Variants in MED24 observed in about 807,000 individuals in gnomAD.
The protein encoded by MED24 is mediator of RNA polymerase II transcription subunit 24.
Under a neutral mutation model 118.8 loss-of-function variants are expected in MED24, and 74 were observed. The observed-to-expected ratio is 0.62, with a 90% CI of 0.52 to 0.76. The LOEUF (loss-of-function observed/expected upper bound fraction) is 0.76. Ranked by LOEUF, MED24 falls within the 30% of genes least tolerant of loss-of-function variation. The pLI is 0.00. For missense variants in MED24, 1,041 were observed against 1,278.9 expected (o/e 0.81, Z 2.84); for synonymous variants, 521 against 523.9 (o/e 0.99, Z 0.08).
chr17:40,028,047 G>C, intron 14 of MED24, 101 bp from the exon 15 acceptor site: 1 of 1,206,104 alleles, frequency 8.3e-7, no homozygotes, highest in Non-Finnish European at 1.2e-6. Flanking sequence ...TAGAGTCTGA[G>C]TTACTGGTTA....
rs1326807043 is a variant in MED24 at position 40,022,698 on chromosome 17, A to C, written c.2379T>G (p.Thr793=). 6.2e-7 allele frequency: 1 copy of C among 1,613,898 alleles called. No individual in the cohort carries two copies. The highest frequency in any genetic ancestry group is 1.7e-5 in the Admixed American group (1 of 60,004). Residue 793 remains threonine (T), a synonymous_variant, in exon 21 of 26, where the codon ACT becomes ACG. Transcript: ENST00000394128. ...TGAGGCTGTGCCACTTGGAGGAGTC[A>C]GTGAGCAGGCCAGGTAGGATGTGGC... ...LLGHILPGLL[T]DSSKWHSLMD...
intron 3 of MED24, among the ~76,000 whole-genome samples, chr17:40,047,779 G>C (rs1417840213): frequency 1.3e-5 from 2 of 151,666 alleles, no homozygotes; most frequent in Non-Finnish European, 2.9e-5. Flanking sequence ...GCCCAGGCTG[G>C]AGCACAATGG....
chr17:40,023,639 C>G (rs1427185502), intron 19 of MED24: 1 of 454,074 alleles, frequency 2.2e-6, no homozygotes, highest in African/African-American at 2.0e-5. Flanking sequence ...GGACTTTCCT[C>G]CCCCTGGCCA....
Position 40,031,611 on chromosome 17 carries a change from C to G in MED24, c.994G>C (p.Glu332Gln). The G allele has an allele frequency of 5.6e-6, 9 of 1,614,084 alleles. No individual in the cohort carries two copies. Among genetic ancestry groups the G allele is most frequent in the Non-Finnish European group, 7.6e-6 (9 of 1,179,948 alleles). Residue 332 changes from glutamate (E) to glutamine (Q), a missense_variant, in exon 11 of 26, where the codon GAG becomes CAG. Transcript: ENST00000394128. ...KYSHGDKDFT[E>Q]DVNCAFEFLL... is the part of the protein sequence containing the mutation. ...AACTCAAAAGCACAGTTGACATCCT[C>G]AGTGAAGTCCTAGAAAGAGGCAGAA...
At chr17:40,026,436 G>T in intron 18 of MED24, 105 bp from the exon 19 acceptor site, 1 of 1,405,580 alleles carries the variant, frequency 7.1e-7, no homozygotes. Flanking sequence ...GTGGAGTCCC[G>T]GGCCACATTC....
At position 40,033,110 on chromosome 17, in the gene MED24, C is replaced by G; in HGVS notation, c.768G>C (p.Leu256=). 1.2e-6 allele frequency: 2 copies of G among 1,614,140 alleles called. No homozygotes were observed. The highest frequency in any genetic ancestry group is 1.7e-6 in the Non-Finnish European group (2 of 1,180,042). Residue 256 remains leucine, a synonymous_variant, in exon 8 of 26, where the codon CTG becomes CTC. Transcript: ENST00000394128. The surrounding 1 kb of genome is among the most constrained non-coding windows in gnomAD (Gnocchi z 5.2). ...AVILLEGTMN[L]TGETQSLVEQ... ...CCACCAGGGACTGCGTCTCGCCTGT[C>G]AGGTTCATGGTGCCCTCGAGCAGGA...
intron 23 of MED24, chr17:40,020,706 T>C: frequency 2.8e-6 from 1 of 361,262 alleles, no homozygotes; most frequent in Non-Finnish European, 5.4e-6. Context: ...TGCTTGAGCC[T>C]AGGAGAACAA....
chr17:40,035,992 C>A, intron 4 of MED24, 124 bp downstream of exon 4: 1 of 1,226,490 alleles, frequency 8.2e-7, no homozygotes, highest in South Asian at 1.3e-5. Context: ...GGAAGTCCAG[C>A]AATGCCAGCC....
chr17:40,041,174 C>T (rs974794906), intron 3 of MED24, among the ~76,000 whole-genome samples: 1 of 152,214 alleles, frequency 6.6e-6, no homozygotes, highest in African/African-American at 2.4e-5. Flanking sequence ...ACAAACTCTT[C>T]ATGTTAAACC....
chr17:40,032,788 C>T, intron 8 of MED24, 26 bp from the exon 9 acceptor site: 1 of 1,594,532 alleles, frequency 6.3e-7, no homozygotes, highest in Non-Finnish European at 8.6e-7. Flanking sequence ...AGGATGAGGC[C>T]TAAGAGGGTG....
chr17:40,021,815 G>A, intron 23 of MED24, 140 bp downstream of exon 23: 1 of 628,484 alleles, frequency 1.6e-6, no homozygotes, highest in Non-Finnish European at 2.8e-6. Context: ...CACCCCCTTG[G>A]GGGCTAGAAC....
chr17:40,030,572 T>C (rs36071767), intron 12 of MED24, among the ~76,000 whole-genome samples: 46,634 of 151,942 alleles, frequency 0.31, 8,411 homozygotes, highest in Middle Eastern at 0.49. Flanking sequence ...GGATTACAGG[T>C]GTGAGCCACC....
chr17:40,032,815 C>T, intron 8 of MED24, 53 bp from the exon 9 acceptor site: 2 of 1,505,560 alleles, frequency 1.3e-6, no homozygotes, highest in Non-Finnish European at 1.8e-6. Context: ...CCCCGTCACC[C>T]TTCTGTGGAC....
At chr17:40,026,489 G>A in intron 18 of MED24, 158 bp from the exon 19 acceptor site, 1 of 1,151,920 alleles carries the variant, frequency 8.7e-7, no homozygotes, top group South Asian at 1.4e-5. Context: ...AGCTACCTGG[G>A]CCAGAGGGAG....
In MED24 at chr17:40,023,540, G is replaced by A. The variant is rs539626845; in HGVS notation, c.1986-145C>T. On this transcript the variant is annotated intron_variant, in intron 19 of 25. Coordinates refer to ENST00000394128, the MANE Select transcript of MED24 (RefSeq NM_014815.4). ...TTAACCCAGTTTTGCGCTGGGGGACGGTATACCCCGGGGTGACCTGGCCCC... is the reference window on the plus strand; with the variant it reads ...TTAACCCAGTTTTGCGCTGGGGGACAGTATACCCCGGGGTGACCTGGCCCC... 1.3e-4 allele frequency: 100 copies of A among 750,134 alleles called. 1 individual carries two copies. In the African/African-American group the frequency reaches 1.3e-3, roughly 10 times the overall value. The allele number at this position is 750,134 out of a possible 1,614,324, so 46.5% of individuals were successfully genotyped here. A position where few individuals can be genotyped will look rare whatever the true frequency, so the allele number is the denominator to read the frequency against.
Position 40,029,838 on chromosome 17 carries a change from T to A in MED24, c.1176A>T (p.Ala392=), listed in dbSNP as rs1446726029. ...MAKRKADREH[A]PQQKSGENAN... is the part of the protein sequence containing the mutation. The stretch of plus-strand genomic sequence containing the variant: ...CATTCTCTCCCGATTTCTGCTGGGG[T>A]GCGTGCTCTCGGTCCGCTTTGCTGT... Residue 392 remains alanine (A), a synonymous_variant, in exon 13 of 26, where the codon GCA becomes GCT. Transcript: ENST00000394128. The A allele has an allele frequency of 1.9e-6, 3 of 1,613,958 alleles. No homozygotes were observed. In the East Asian group the frequency reaches 6.7e-5, roughly 36 times the overall value.
At chr17:40,043,834 T>C (rs1196348266) in intron 3 of MED24, among the ~76,000 whole-genome samples, 1 of 142,722 alleles carries the variant, frequency 7.0e-6, no homozygotes. Flanking sequence ...GAGCTTGCAG[T>C]GAACCGAGAT....
At chr17:40,035,434 C>T (rs1983823335) in intron 5 of MED24, 85 bp from the exon 6 acceptor site, 1 of 1,368,688 alleles carries the variant, frequency 7.3e-7, no homozygotes, top group African/African-American at 1.5e-5. Context: ...GTCCCTGGCA[C>T]TCCCCTACTA....
Position 40,031,636 on chromosome 17 carries a change from A to AGT in MED24, c.985-18_985-17dup, listed in dbSNP as rs763194992. On this transcript the variant is annotated splice_polypyrimidine_tract_variant and intron_variant, in intron 10 of 25. Coordinates refer to ENST00000394128, the MANE Select transcript of MED24 (RefSeq NM_014815.4). ...CAGTGAAGTCCTAGAAAGAGGCAGA[A>AGT]GTGTCCATCTGGTTTCCAGGGCCAC... 6 of 1,611,760 alleles carry AGT rather than the reference A, an allele frequency of 3.7e-6. No homozygotes were observed. Among genetic ancestry groups the AGT allele is most frequent in the Middle Eastern group, 1.7e-4 (1 of 6,056 alleles).
Sources: gnomAD v4.1 joint callset for allele counts (sites outside exome capture counted in the v4.1 genomes callset) on GRCh38, gnomAD v4.1.1 for gene constraint, Gnocchi (gnomAD v3.1) non-coding constraint, MANE v1.5 for transcripts, NCBI Gene and HGNC (gene_info 2026-07-23, HGNC 2026-07-21) for gene names.